Variants in HTRA1 observed in about 807,000 individuals in gnomAD.
HTRA1 encodes the protein HtrA serine peptidase 1, also known as serine protease HTRA1.
HTRA1 carries 26 observed loss-of-function variants against 49.7 expected under a neutral mutation model. That is an observed-to-expected ratio of 0.52 (90% CI 0.38 to 0.73). The LOEUF (loss-of-function observed/expected upper bound fraction) is 0.73, where lower values mean the gene tolerates loss of function less well. Among genes scored for constraint, HTRA1 ranks in the 30% least tolerant of loss-of-function variants. HTRA1 has a pLI of 0.00. For missense variants in HTRA1, 561 were observed against 667.2 expected (o/e 0.84, Z 1.75); for synonymous variants, 291 against 286.9 (o/e 1.01, Z -0.14).
At chr10:122,470,177 G>A (rs189358444) in intron 1 of HTRA1, among the ~76,000 whole-genome samples, 4 of 152,176 alleles carry the variant, frequency 2.6e-5, no homozygotes, top group South Asian at 2.1e-4. Context: ...AAGTGTTGAC[G>A]TCTCCTGAGT....
chr10:122,514,274 A>T lies in HTRA1; in HGVS notation c.1358A>T (p.Lys453Ile). 6.2e-7 allele frequency: 1 copy of T among 1,614,152 alleles called. No individual in the cohort carries two copies. The highest frequency in any genetic ancestry group is 8.5e-7 in the Non-Finnish European group (1 of 1,180,004). ...GCCAATGATGTCAGCGACGTCATTA[A>T]AAGGGAAAGCACCCTGAACATGGTG... ...VSANDVSDVI[K>I]RESTLNMVVR... Residue 453 changes from lysine (K) to isoleucine (I), a missense_variant, in exon 9 of 9, where the codon AAA (lysine) becomes ATA (isoleucine). By Grantham distance (102) the Lys-to-Ile change is moderately radical. Around this residue, in one of 3 missense-constraint regions of HTRA1, gnomAD observed 179 missense variants for 173.4 expected, o/e 1.03. Coordinates refer to ENST00000368984, the MANE Select transcript of HTRA1 (RefSeq NM_002775.5).
chr10:122,475,284 C>T (rs2097487934), intron 1 of HTRA1, among the ~76,000 whole-genome samples: 1 of 152,218 alleles, frequency 6.6e-6, no homozygotes. Flanking sequence ...GTCCGGCGAG[C>T]TTTTCCCACT....
rs751034731 is a variant in HTRA1 at position 122,489,012 on chromosome 10, C to G, written c.572+11C>G. 35 of 1,594,914 alleles carry G rather than the reference C, an allele frequency of 2.2e-5. No homozygotes were observed. Among genetic ancestry groups the G allele is most frequent in the South Asian group, 4.4e-5 (4 of 90,708 alleles). Reference sequence around the variant, plus strand: ...CGAATTGTTTCGCAAGTAAAGAGAGCCTTCCTTTTTCCTATAACCTCCGAA... The same window carrying G: ...CGAATTGTTTCGCAAGTAAAGAGAGGCTTCCTTTTTCCTATAACCTCCGAA... On this transcript the variant is annotated intron_variant, in intron 2 of 8. Transcript: ENST00000368984.
At chr10:122,463,559 G>T (rs1194013808) in intron 1 of HTRA1, among the ~76,000 whole-genome samples, 2 of 152,250 alleles carry the variant, frequency 1.3e-5, no homozygotes, top group Admixed American at 6.5e-5. Context: ...CTGGAGTGTA[G>T]TGGTGTGATC....
At chr10:122,503,057 G>T (rs1321182269) in intron 3 of HTRA1, among the ~76,000 whole-genome samples, 1 of 152,240 alleles carries the variant, frequency 6.6e-6, no homozygotes, top group Non-Finnish European at 1.5e-5. Context: ...GAGAGGAGCT[G>T]CCACCTTCAA....
intron 3 of HTRA1, among the ~76,000 whole-genome samples, chr10:122,493,660 G>T (rs2097496991): frequency 6.6e-6 from 1 of 152,172 alleles, no homozygotes; most frequent in South Asian, 2.1e-4. Flanking sequence ...ACAGCTATTT[G>T]TCCAGCTGTG....
intron 3 of HTRA1, among the ~76,000 whole-genome samples, chr10:122,500,479 C>T (rs2097500423): frequency 6.6e-6 from 1 of 152,174 alleles, no homozygotes; most frequent in South Asian, 2.1e-4. Flanking sequence ...GGTGCTAAAA[C>T]CGCAATCCAG....
rs149301962 is a variant in HTRA1 at position 122,514,892 on chromosome 10, T to A, written c.*533T>A. 1.4e-3 allele frequency: 260 copies of A among 186,042 alleles called. 1 individual carries two copies. Among genetic ancestry groups the A allele is most frequent in the African/African-American group, 5.5e-3 (232 of 42,450 alleles). 11.5% of individuals were successfully genotyped at this position (186,042 alleles called of 1,614,324 possible). A position where few individuals can be genotyped will look rare whatever the true frequency, so the allele number is the denominator to read the frequency against. ...TGACTCTGAGTTTGAGCTATTAAAGTACTTCTTACACATTGCTTTCTGTAG... is the reference window on the plus strand; with the variant it reads ...TGACTCTGAGTTTGAGCTATTAAAGAACTTCTTACACATTGCTTTCTGTAG... On this transcript the variant is annotated 3_prime_UTR_variant, in exon 9 of 9. Coordinates refer to ENST00000368984, the MANE Select transcript of HTRA1 (RefSeq NM_002775.5).
chr10:122,462,211 G>A, intron 1 of HTRA1, 87 bp downstream of exon 1: 2 of 1,179,448 alleles, frequency 1.7e-6, no homozygotes, highest in South Asian at 1.3e-5. Flanking sequence ...AGGTTGAGGG[G>A]CAGCGAAGCG....
chr10:122,489,280 G>A (rs947500416), intron 2 of HTRA1, 142 bp from the exon 3 acceptor site: 2 of 850,650 alleles, frequency 2.4e-6, no homozygotes, highest in Non-Finnish European at 3.9e-6. Flanking sequence ...TTGGCAGGAT[G>A]TTTAGTGTTT....
intron 8 of HTRA1, among the ~76,000 whole-genome samples, chr10:122,513,210 A>G (rs2097506418): frequency 6.6e-6 from 1 of 152,108 alleles, no homozygotes; most frequent in African/African-American, 2.4e-5. Context: ...GCTGAGCTAT[A>G]TAAGAGCTAC....
At chr10:122,469,451 G>A (rs1372229727) in intron 1 of HTRA1, among the ~76,000 whole-genome samples, 2 of 152,220 alleles carry the variant, frequency 1.3e-5, no homozygotes, top group Non-Finnish European at 2.9e-5. Context: ...AGACATAGGG[G>A]AGGGAAGCCT....
chr10:122,499,825 A>T (rs1319722169), intron 3 of HTRA1, among the ~76,000 whole-genome samples: 1 of 152,238 alleles, frequency 6.6e-6, no homozygotes, highest in African/African-American at 2.4e-5. Flanking sequence ...CACTCAGTTG[A>T]GTCCCAGCCA....
intron 3 of HTRA1, among the ~76,000 whole-genome samples, chr10:122,498,625 G>A (rs1224614948): frequency 6.6e-6 from 1 of 152,110 alleles, no homozygotes; most frequent in Non-Finnish European, 1.5e-5. Flanking sequence ...ATGGGCCATT[G>A]CTTTTCACAG....
Position 122,512,026 on chromosome 10 carries a change from C to A in HTRA1, c.1235C>A (p.Ala412Glu), listed in dbSNP as rs754820159. 2 of 1,613,672 alleles carry A rather than the reference C, an allele frequency of 1.2e-6. No individual in the cohort carries two copies. Among genetic ancestry groups the A allele is most frequent in the Admixed American group, 3.3e-5 (2 of 60,006 alleles). The change falls in exon 8 of 9, where the codon GCG becomes GAG. Residue 412 changes from alanine to glutamate, a missense_variant. Ala to Glu is a moderately radical substitution (Grantham distance 107, BLOSUM62 -1). Around this residue, in one of 3 missense-constraint regions of HTRA1, gnomAD observed 179 missense variants for 173.4 expected, o/e 1.03. Coordinates refer to ENST00000368984, the MANE Select transcript of HTRA1 (RefSeq NM_002775.5). ...HRDFPDVISG[A>E]YIIEVIPDTP... The stretch of plus-strand genomic sequence containing the variant: ...GACTTCCCAGACGTGATCTCAGGAG[C>A]GTATATAATTGAAGTAATTCCTGAT...
intron 1 of HTRA1, among the ~76,000 whole-genome samples, chr10:122,478,633 C>T (rs1357364563): frequency 6.6e-6 from 1 of 150,812 alleles, no homozygotes; most frequent in Non-Finnish European, 1.5e-5. Context: ...ACCTCATGAT[C>T]TGCCTGCCTT....
At chr10:122,497,768 A>G (rs1330447939) in intron 3 of HTRA1, among the ~76,000 whole-genome samples, 1 of 152,132 alleles carries the variant, frequency 6.6e-6, no homozygotes, top group African/African-American at 2.4e-5. Context: ...TCTTTCATTT[A>G]TTTACTTATT....
chr10:122,511,969 G>A lies in HTRA1; in HGVS notation c.1179-1G>A. 2 of 1,613,214 alleles carry A rather than the reference G, an allele frequency of 1.2e-6. No individual in the cohort carries two copies. Among genetic ancestry groups the A allele is most frequent in the Non-Finnish European group, 1.7e-6 (2 of 1,179,354 alleles). On this transcript the variant is annotated splice_acceptor_variant, in intron 7 of 8. Coordinates refer to ENST00000368984, the MANE Select transcript of HTRA1 (RefSeq NM_002775.5). LOFTEE classifies it high-confidence loss of function. ...ACACGGGTGCTTTTTCTCTGGAGCA[G>A]CAAAGCCAAAGAGCTGAAGGACCGG... is the stretch of plus-strand genomic sequence containing the variant.
chr10:122,486,220 C>A (rs775228782), intron 1 of HTRA1, among the ~76,000 whole-genome samples: 1 of 151,996 alleles, frequency 6.6e-6, no homozygotes, highest in African/African-American at 2.4e-5. Context: ...TTAAAGTCTG[C>A]GAGCCTCAGT....
Sources: allele counts gnomAD v4.1 joint callset (sites outside exome capture counted in the v4.1 genomes callset), GRCh38; gene constraint gnomAD v4.1.1; regional missense constraint gnomAD v4.1.1; transcripts MANE v1.5; gene names NCBI Gene and HGNC (gene_info 2026-07-23, HGNC 2026-07-21).